The following PPARG variants were observed in gnomAD, a reference collection of about 807,000 sequenced individuals.
PPARG encodes the protein peroxisome proliferator-activated receptor gamma.
A neutral mutation model predicts 39.2 loss-of-function variants in PPARG; 17 were observed. The observed-to-expected ratio is 0.43, with a 90% CI of 0.30 to 0.65. PPARG has a LOEUF of 0.65. Ranked by LOEUF, PPARG falls within the 30% of genes least tolerant of loss-of-function variation. The pLI is 0.13. For synonymous variants in PPARG, 223 were observed against 215.7 expected, an observed-to-expected ratio of 1.03 and a Z score of -0.30; for missense variants, 406 against 585.9, an observed-to-expected ratio of 0.69 and a Z score of 3.17.
At chr3:12,386,757 A>G (rs2049886996) in intron 4 of PPARG, among the ~76,000 whole-genome samples, 1 of 152,156 alleles carries the variant, frequency 6.6e-6, no homozygotes, top group Non-Finnish European at 1.5e-5. Context: ...TCTAGGGTAC[A>G]TGTGCACAAC....
chr3:12,313,257 A>G (rs2047299862), intron 2 of PPARG, among the ~76,000 whole-genome samples: 1 of 152,182 alleles, frequency 6.6e-6, no homozygotes, highest in Non-Finnish European at 1.5e-5. Flanking sequence ...AAATTAATAT[A>G]GAGATGTGTA....
At chr3:12,350,054 T>G (rs971061507) in intron 2 of PPARG, among the ~76,000 whole-genome samples, 3 of 152,204 alleles carry the variant, frequency 2.0e-5, no homozygotes, top group Non-Finnish European at 4.4e-5. Context: ...TTGAGTTCAA[T>G]TCAGTCATAT....
In PPARG at chr3:12,310,523, G is replaced by C; in HGVS notation, c.-82-1857G>C. 2.6e-5 allele frequency among the ~76,000 whole-genome samples: 2 copies of C among 77,738 alleles called. 1 individual carries two copies. The highest frequency in any genetic ancestry group is 8.8e-5 in the African/African-American group (2 of 22,698). The allele number at this position is 77,738 out of a possible 152,430, so 51.0% of individuals were successfully genotyped here. A position where few individuals can be genotyped will look rare whatever the true frequency, so the allele number is the denominator to read the frequency against. On this transcript the variant is annotated intron_variant, in intron 1 of 7. Coordinates refer to ENST00000651735, the MANE Select transcript of PPARG (RefSeq NM_138711.6). ...CTGTCGCCCAGGCTGGAGTGCAGTGGCGGGATCTCGGCTCACTGCAAGCTC... is the reference window on the plus strand; with the variant it reads ...CTGTCGCCCAGGCTGGAGTGCAGTGCCGGGATCTCGGCTCACTGCAAGCTC...
chr3:12,395,276 G>A (rs993743701), intron 5 of PPARG, among the ~76,000 whole-genome samples: 1 of 152,176 alleles, frequency 6.6e-6, no homozygotes, highest in Non-Finnish European at 1.5e-5. Flanking sequence ...TAGGCACCTG[G>A]CATGTCAGTT....
At chr3:12,404,111 G>A (rs113983831) in intron 5 of PPARG, among the ~76,000 whole-genome samples, 175 of 152,232 alleles carry the variant, frequency 1.1e-3, no homozygotes, top group Middle Eastern at 0.01. Context: ...AAGAAAATGG[G>A]GAAGAGTGAG....
At chr3:12,382,015 TA>T (rs1379088826) in intron 4 of PPARG, among the ~76,000 whole-genome samples, 1 of 152,174 alleles carries the variant, frequency 6.6e-6, no homozygotes, top group Non-Finnish European at 1.5e-5. Context: ...TTTGGATCCC[TA>T]GAGCAATCCT....
intron 2 of PPARG, chr3:12,328,138 C>T: frequency 7.8e-7 from 1 of 1,279,128 alleles, no homozygotes; most frequent in Non-Finnish European, 1.1e-6. Context: ...GGAAGCAATT[C>T]ACAATCAACT....
chr3:12,362,568 T>A (rs2048883184), intron 2 of PPARG, among the ~76,000 whole-genome samples: 1 of 134,842 alleles, frequency 7.4e-6, no homozygotes. Flanking sequence ...AATAAATAAA[T>A]AAAACGAACA....
intron 2 of PPARG, among the ~76,000 whole-genome samples, chr3:12,346,736 G>A (rs1052361749): frequency 3.3e-5 from 5 of 151,850 alleles, no homozygotes; most frequent in Non-Finnish European, 7.4e-5. Flanking sequence ...CTGGGCTCAA[G>A]CATCCCTCCT....
chr3:12,303,503 G>A (rs1011945403), intron 1 of PPARG, among the ~76,000 whole-genome samples: 1 of 152,130 alleles, frequency 6.6e-6, no homozygotes, highest in Non-Finnish European at 1.5e-5. Flanking sequence ...GCCTGGCCAG[G>A]CAGTCATGTT....
intron 2 of PPARG, among the ~76,000 whole-genome samples, chr3:12,374,900 A>T (rs1462349245): frequency 1.3e-5 from 2 of 152,208 alleles, no homozygotes; most frequent in African/African-American, 4.8e-5. Flanking sequence ...CGAAAACAGA[A>T]AACAGCATCC....
At chr3:12,339,980 C>T (rs1232135195) in intron 2 of PPARG, among the ~76,000 whole-genome samples, 2 of 152,124 alleles carry the variant, frequency 1.3e-5, no homozygotes, top group African/African-American at 2.4e-5. Context: ...CTGAAAGTTC[C>T]GTACAAGACT....
At chr3:12,354,527 C>T (rs896382014) in intron 2 of PPARG, among the ~76,000 whole-genome samples, 2 of 151,850 alleles carry the variant, frequency 1.3e-5, no homozygotes, top group African/African-American at 2.4e-5. Flanking sequence ...GGGCAGATCA[C>T]GAGGTCAGGA....
intron 5 of PPARG, 145 bp from the exon 6 acceptor site, chr3:12,405,737 G>A (rs2050635826): frequency 3.8e-6 from 3 of 784,374 alleles, no homozygotes; most frequent in Admixed American, 4.3e-5. Context: ...AAAAACATGA[G>A]CAAAGTGGTA....
intron 1 of PPARG, among the ~76,000 whole-genome samples, chr3:12,305,186 C>T (rs1023420353): frequency 3.9e-5 from 6 of 152,112 alleles, no homozygotes; most frequent in Admixed American, 2.0e-4. Flanking sequence ...TGCTTCCTTT[C>T]CTCTCTTTCC....
At chr3:12,298,633 A>G (rs1468866101) in intron 1 of PPARG, among the ~76,000 whole-genome samples, 1 of 152,160 alleles carries the variant, frequency 6.6e-6, no homozygotes, top group African/African-American at 2.4e-5. Context: ...TAGAAATTTC[A>G]TATCAGTGTT....
At chr3:12,417,901 C>CTTTTTTTTTTTTTTTTTTTTTTTTTTTT (rs1559533744) in intron 7 of PPARG, among the ~76,000 whole-genome samples, 3 of 46,154 alleles carry the variant, frequency 6.5e-5, no homozygotes, top group Non-Finnish European at 8.2e-5. Context: ...TTTTTTTTTT[C>CTTTTTTTTTTTTTTTTTTTTTTTTTTTT]CTTTTTTTTT....
intron 5 of PPARG, among the ~76,000 whole-genome samples, chr3:12,395,590 C>T (rs993341479): frequency 1.3e-5 from 2 of 152,194 alleles, no homozygotes; most frequent in African/African-American, 4.8e-5. Context: ...CAGTTAGAAA[C>T]ATAGTTTCTC....
intron 5 of PPARG, among the ~76,000 whole-genome samples, chr3:12,404,819 A>C (rs1234969323): frequency 6.6e-6 from 1 of 152,198 alleles, no homozygotes; most frequent in African/African-American, 2.4e-5. Context: ...ATAAAATAAA[A>C]TAAAATAAAA....
Sources: gnomAD v4.1 joint callset for allele counts (sites outside exome capture counted in the v4.1 genomes callset) on GRCh38, gnomAD v4.1.1 for gene constraint, MANE v1.5 for transcripts, NCBI Gene and HGNC (gene_info 2026-07-23, HGNC 2026-07-21) for gene names.